The following KDM4C variants were observed in gnomAD, a reference collection of about 807,000 sequenced individuals.
The protein encoded by KDM4C is lysine demethylase 4C, also known as lysine-specific demethylase 4C.
A neutral mutation model predicts 129.3 loss-of-function variants in KDM4C; 81 were observed. The ratio of observed to expected loss-of-function variants is 0.63; its 90% CI spans 0.52 to 0.75. The LOEUF (loss-of-function observed/expected upper bound fraction) is 0.75. Ranked by LOEUF, KDM4C falls within the 30% of genes least tolerant of loss-of-function variation. The pLI, the probability that KDM4C is intolerant of heterozygous loss-of-function variation, is 0.00. For missense variants in KDM4C, 1,457 were observed against 1,304.0 expected (o/e 1.12, Z -1.81); for synonymous variants, 573 against 456.1 (o/e 1.26, Z -3.26).
At chr9:7,048,465 T>C (rs1206253314) in intron 16 of KDM4C, among the ~76,000 whole-genome samples, 1 of 152,070 alleles carries the variant, frequency 6.6e-6, no homozygotes, top group African/African-American at 2.4e-5. Context: ...AGACATTTAA[T>C]AGTATTAACG....
At chr9:6,847,690 G>A (rs182042674) in intron 4 of KDM4C, among the ~76,000 whole-genome samples, 7 of 152,054 alleles carry the variant, frequency 4.6e-5, no homozygotes, top group African/African-American at 7.2e-5. Flanking sequence ...GCGCCCGGCC[G>A]GATCTTCTCT....
At chr9:6,871,400 G>T (rs1400699484) in intron 5 of KDM4C, among the ~76,000 whole-genome samples, 3 of 152,012 alleles carry the variant, frequency 2.0e-5, no homozygotes, top group African/African-American at 7.2e-5. Flanking sequence ...GTTTTCCTTG[G>T]CCTTCAAAAT....
At chr9:7,091,018 A>G (rs1255382248) in intron 17 of KDM4C, among the ~76,000 whole-genome samples, 1 of 152,220 alleles carries the variant, frequency 6.6e-6, no homozygotes, top group African/African-American at 2.4e-5. Flanking sequence ...CAGGTGGGCC[A>G]GGTTGTGAAA....
At chr9:6,729,972 C>T (rs777167272) in intron 1 of KDM4C, among the ~76,000 whole-genome samples, 1 of 133,338 alleles carries the variant, frequency 7.5e-6, no homozygotes, top group South Asian at 2.7e-4. Flanking sequence ...TAGCTGGATG[C>T]GGTGGTGCAC....
At chr9:6,738,210 C>G (rs940396086) in intron 1 of KDM4C, among the ~76,000 whole-genome samples, 1 of 150,822 alleles carries the variant, frequency 6.6e-6, no homozygotes, top group Non-Finnish European at 1.5e-5. Flanking sequence ...GGCCTGGTGG[C>G]TCACACCTGT....
At chr9:6,931,785 G>A (rs1040489882) in intron 8 of KDM4C, among the ~76,000 whole-genome samples, 2 of 152,168 alleles carry the variant, frequency 1.3e-5, no homozygotes, top group South Asian at 2.1e-4. Context: ...ACAGGCATGA[G>A]CCACCATCCT....
intron 5 of KDM4C, among the ~76,000 whole-genome samples, chr9:6,857,201 G>A (rs1840017012): frequency 6.6e-6 from 1 of 152,128 alleles, no homozygotes; most frequent in South Asian, 2.1e-4. Context: ...GGGAGGCCAA[G>A]GCAGAAGGAT....
chr9:6,892,385 T>G (rs1846221192), intron 7 of KDM4C, among the ~76,000 whole-genome samples: 1 of 152,144 alleles, frequency 6.6e-6, no homozygotes, highest in African/African-American at 2.4e-5. Flanking sequence ...ATATTTTGTG[T>G]TGCTTTGGTG....
chr9:6,883,154 C>T (rs901448652), intron 6 of KDM4C, among the ~76,000 whole-genome samples: 1 of 152,180 alleles, frequency 6.6e-6, no homozygotes, highest in Non-Finnish European at 1.5e-5. Context: ...TCATACCTCT[C>T]TCTTGGAAAT....
intron 8 of KDM4C, among the ~76,000 whole-genome samples, chr9:6,938,350 A>G (rs888285975): frequency 6.6e-6 from 1 of 152,174 alleles, no homozygotes; most frequent in Non-Finnish European, 1.5e-5. Context: ...CAGAGAGTGC[A>G]GCTCAGTTCT....
At chr9:6,845,162 G>A (rs573401936) in intron 4 of KDM4C, among the ~76,000 whole-genome samples, 29 of 152,334 alleles carry the variant, frequency 1.9e-4, no homozygotes, top group African/African-American at 7.0e-4. Flanking sequence ...TGCAGTTACT[G>A]TGGAGAGAGT....
intron 17 of KDM4C, among the ~76,000 whole-genome samples, chr9:7,060,391 G>A (rs901920018): frequency 1.7e-4 from 26 of 150,936 alleles, no homozygotes; most frequent in African/African-American, 6.3e-4. Context: ...TGACCCAGTA[G>A]CTCCTAGGAT....
At chr9:7,008,609 C>T (rs1276758806) in intron 12 of KDM4C, among the ~76,000 whole-genome samples, 1 of 152,210 alleles carries the variant, frequency 6.6e-6, no homozygotes, top group African/African-American at 2.4e-5. Context: ...ACAGACCAAA[C>T]ATCCAGGAAC....
At position 7,034,855 on chromosome 9, in the gene KDM4C, A is replaced by G. The variant is rs1223454624; in HGVS notation, c.2260-12007A>G. ...CAGTATTTGTTACTTTTTGTCATTT[A>G]ATAATACACATTCTCACTGGGGTGA... On this transcript the variant is annotated intron_variant, in intron 15 of 21. Transcript: ENST00000381309. Among the ~76,000 whole-genome samples the G allele has an allele frequency of 4.5e-4, 69 of 152,186 alleles. 2 individuals are homozygous for G. The highest frequency in any genetic ancestry group is 4.5e-3 in the Admixed American group (68 of 15,274).
At chr9:7,118,890 C>G (rs1160044087) in intron 18 of KDM4C, among the ~76,000 whole-genome samples, 2 of 152,150 alleles carry the variant, frequency 1.3e-5, no homozygotes, top group Non-Finnish European at 2.9e-5. Context: ...GATGTAAACA[C>G]AGGTCAGCCT....
chr9:7,170,038 T>C, intron 21 of KDM4C, 148 bp downstream of exon 21: 1 of 1,526,828 alleles, frequency 6.5e-7, no homozygotes, highest in Non-Finnish European at 8.9e-7. Context: ...TGGAACCTAT[T>C]GAATGCAAAC....
upstream of KDM4C, among the ~76,000 whole-genome samples, chr9:6,754,056 A>C (rs1818162280): frequency 1.3e-5 from 2 of 150,992 alleles, no homozygotes; most frequent in Non-Finnish European, 3.0e-5. Context: ...TTGTATTTTT[A>C]GTAGAGACAG....
chr9:7,136,816 C>T (rs1423042910), intron 19 of KDM4C, among the ~76,000 whole-genome samples: 1 of 152,120 alleles, frequency 6.6e-6, no homozygotes, highest in Non-Finnish European at 1.5e-5. Flanking sequence ...AAAAGTTATA[C>T]ATTTTGATGA....
intron 8 of KDM4C, among the ~76,000 whole-genome samples, chr9:6,919,265 T>TTCTTTCTTTCTTTTCTTTCTA (rs1820968735): frequency 6.8e-6 from 1 of 147,006 alleles, no homozygotes; most frequent in African/African-American, 2.6e-5. Context: ...CTTTCTTTCT[T>TTCTTTCTTTCTTTTCTTTCTA]TCTTTCTGTC....
Sources: allele counts gnomAD v4.1 joint callset (sites outside exome capture counted in the v4.1 genomes callset), GRCh38; gene constraint gnomAD v4.1.1; transcripts MANE v1.5; gene names NCBI Gene and HGNC (gene_info 2026-07-23, HGNC 2026-07-21).